Variants in ZC3H12D observed in about 807,000 individuals in gnomAD.
ZC3H12D encodes the protein probable ribonuclease ZC3H12D.
Under a neutral mutation model 24.2 loss-of-function variants are expected in ZC3H12D, and 11 were observed. The observed-to-expected ratio is 0.46, with a 90% CI of 0.29 to 0.75. ZC3H12D has a LOEUF of 0.75. Among genes scored for constraint, ZC3H12D ranks in the 30% least tolerant of loss-of-function variants. The probability of loss-of-function intolerance (pLI) is 0.11; values close to 1 mark genes in which losing one functional copy is unlikely to be tolerated. For synonymous variants in ZC3H12D, 333 were observed against 341.8 expected, an observed-to-expected ratio of 0.97 and a Z score of 0.28; for missense variants, 740 against 767.7, an observed-to-expected ratio of 0.96 and a Z score of 0.43.
intron 4 of ZC3H12D, among the ~76,000 whole-genome samples, chr6:149,454,744 T>C (rs1318309523): frequency 6.6e-6 from 1 of 152,242 alleles, no homozygotes; most frequent in Non-Finnish European, 1.5e-5. Context: ...AGGCCAGAGA[T>C]GGCCATGTCC....
chr6:149,474,199 G>C lies in ZC3H12D; in HGVS notation c.305+40C>G. ...CAGTTCTCAGGGCTCCTGCGAACAG[G>C]GGCCTCCCCAGCCCCAGCTACAGGA... is the stretch of plus-strand genomic sequence containing the variant. On this transcript the variant is annotated intron_variant, in intron 2 of 5. Transcript: ENST00000409806. 3.5e-6 allele frequency: 5 copies of C among 1,435,786 alleles called. No homozygotes were observed. In the South Asian group the frequency reaches 5.0e-5, roughly 14 times the overall value. 88.9% of individuals were successfully genotyped at this position (1,435,786 alleles called of 1,614,324 possible).
At chr6:149,478,462 TTTA>T (rs1776375799) in intron 1 of ZC3H12D, among the ~76,000 whole-genome samples, 2 of 152,180 alleles carry the variant, frequency 1.3e-5, no homozygotes, top group Non-Finnish European at 2.9e-5. Context: ...GTATAATTGG[TTTA>T]TTATTATGTA....
chr6:149,454,450 T>C (rs1583184014), intron 4 of ZC3H12D, among the ~76,000 whole-genome samples: 1 of 152,336 alleles, frequency 6.6e-6, no homozygotes, highest in East Asian at 1.9e-4. Context: ...CCCGGCCCTG[T>C]GTGGCCTCCA....
intron 3 of ZC3H12D, chr6:149,459,535 A>G: frequency 1.4e-6 from 1 of 715,050 alleles, no homozygotes; most frequent in Non-Finnish European, 2.6e-6. Context: ...GGTGGGAGCC[A>G]TTGCCCTGCA....
chr6:149,480,018 C>T (rs950201148), intron 1 of ZC3H12D, among the ~76,000 whole-genome samples: 6 of 152,196 alleles, frequency 3.9e-5, no homozygotes, highest in African/African-American at 9.6e-5. Context: ...TTCTACTTCC[C>T]GGACATTTTC....
intron 2 of ZC3H12D, among the ~76,000 whole-genome samples, chr6:149,464,466 C>G (rs1170245332): frequency 6.6e-6 from 1 of 152,152 alleles, no homozygotes; most frequent in Non-Finnish European, 1.5e-5. Flanking sequence ...CAGATCCCAG[C>G]TTCATCCTCA....
chr6:149,458,846 A>G (rs1776029571), intron 3 of ZC3H12D, among the ~76,000 whole-genome samples: 1 of 152,078 alleles, frequency 6.6e-6, no homozygotes, highest in African/African-American at 2.4e-5. Context: ...TGCTAATGAG[A>G]TTGAGCATCT....
intron 3 of ZC3H12D, among the ~76,000 whole-genome samples, chr6:149,458,111 C>CTCGTTTCTTTTTTTTTTT (rs1246641761): frequency 6.2e-5 from 5 of 80,240 alleles, no homozygotes; most frequent in African/African-American, 1.8e-4. Flanking sequence ...CTTTCTTTTT[C>CTCGTTTCTTTTTTTTTTT]TTTTTTTTTT....
intron 1 of ZC3H12D, among the ~76,000 whole-genome samples, chr6:149,480,388 A>G (rs2115014983): frequency 6.6e-6 from 1 of 152,376 alleles, no homozygotes; most frequent in East Asian, 1.9e-4. Flanking sequence ...TAATGCAGAA[A>G]CAGAAAACCA....
At chr6:149,462,407 A>G (rs1219628938) in intron 2 of ZC3H12D, among the ~76,000 whole-genome samples, 1 of 149,714 alleles carries the variant, frequency 6.7e-6, no homozygotes, top group Non-Finnish European at 1.5e-5. Flanking sequence ...AAAAAACCAC[A>G]CACACACACA....
At chr6:149,480,605 G>A (rs1024644414) in intron 1 of ZC3H12D, among the ~76,000 whole-genome samples, 13 of 152,260 alleles carry the variant, frequency 8.5e-5, no homozygotes, top group African/African-American at 2.4e-4. Context: ...GCGTGGTGGC[G>A]CATGCCTTTA....
intron 3 of ZC3H12D, among the ~76,000 whole-genome samples, chr6:149,461,348 A>AG (rs1776069271): frequency 7.7e-6 from 1 of 130,416 alleles, no homozygotes; most frequent in Non-Finnish European, 1.6e-5. Context: ...TCAAAAAAAA[A>AG]AAAAAAGAAG....
In ZC3H12D at chr6:149,477,027, C is replaced by T. The variant is rs577219873; in HGVS notation, c.-70-2414G>A. On this transcript the variant is annotated intron_variant, in intron 1 of 5. Coordinates refer to ENST00000409806, the MANE Select transcript of ZC3H12D (RefSeq NM_207360.3). ...ATGTCATAGGATGAAAGTTTGTTTT[C>T]CATTTTTCACTGTTACAAATCAGGC... 1.4e-4 allele frequency among the ~76,000 whole-genome samples: 22 copies of T among 152,356 alleles called. No individual in the cohort carries two copies. The South Asian group carries it at 4.6e-3, about 32-fold the overall frequency.
Position 149,456,637 on chromosome 6 carries a change from C to CCCGGGGG in ZC3H12D, c.680+28_680+29insCCCCCGG. ...CCCGGCCCCCCGCCCCGCCGCCCCCCAGGGTGTCAGGACCCCAGCCGGACC... is the reference window on the plus strand; with the variant it reads ...CCCGGCCCCCCGCCCCGCCGCCCCCCCCGGGGGAGGGTGTCAGGACCCCAGCCGGACC... On this transcript the variant is annotated intron_variant, in intron 4 of 5. Transcript: ENST00000409806. This position sits in a 1 kb window ranked among gnomAD's most constrained non-coding sequence, Gnocchi z 4.3. 1.7e-5 allele frequency: 26 copies of CCCGGGGG among 1,554,748 alleles called. No individual in the cohort carries two copies. The highest frequency in any genetic ancestry group is 2.3e-5 in the East Asian group (1 of 44,216).
At position 149,456,631 on chromosome 6, in the gene ZC3H12D, G is replaced by GGCCCCCCCCCCCCCCC; in HGVS notation, c.680+34_680+35insGGGGGGGGGGGGGGGC. On this transcript the variant is annotated intron_variant, in intron 4 of 5. Transcript: ENST00000409806. The surrounding 1 kb of genome is among the most constrained non-coding windows in gnomAD (Gnocchi z 4.3). Reference sequence around the variant, plus strand: ...CTCGACCCCGGCCCCCCGCCCCGCCGCCCCCCAGGGTGTCAGGACCCCAGC... The same window carrying GGCCCCCCCCCCCCCCC: ...CTCGACCCCGGCCCCCCGCCCCGCCGGCCCCCCCCCCCCCCCCCCCCCAGGGTGTCAGGACCCCAGC... 1 of 794,056 alleles carries GGCCCCCCCCCCCCCCC rather than the reference G, an allele frequency of 1.3e-6. No homozygotes were observed. The highest frequency in any genetic ancestry group is 2.1e-6 in the Non-Finnish European group (1 of 485,334). The allele number at this position is 794,056 out of a possible 1,614,324, so 49.2% of individuals were successfully genotyped here.
Position 149,474,386 on chromosome 6 carries a change from G to T in ZC3H12D, c.158C>A (p.Pro53Gln), listed in dbSNP as rs7747948. Residue 53 changes from proline to glutamine, a missense_variant, in exon 2 of 6, where the codon CCG becomes CAG. Physicochemically the swap from Pro to Gln is moderately conservative, Grantham distance 76. Coordinates refer to ENST00000409806, the MANE Select transcript of ZC3H12D (RefSeq NM_207360.3). ...CCGAGGCACTAGCCTGGGTGCAGCC[G>T]GGTGCTCCAGGGCACCCGGGCGGCT... is the stretch of plus-strand genomic sequence containing the variant. ...TGSRPGALEHPAAPRLVPRGS... is the reference protein window; with the variant it reads ...TGSRPGALEHQAAPRLVPRGS... The T allele has an allele frequency of 1.2e-6, 2 of 1,607,366 alleles. No individual in the cohort carries two copies. The highest frequency in any genetic ancestry group is 2.7e-5 in the African/African-American group (2 of 74,806).
In ZC3H12D at chr6:149,450,564, C is replaced by G; in HGVS notation, c.*119G>C. The G allele has an allele frequency of 9.2e-7, 1 of 1,092,664 alleles. No homozygotes were observed. Among genetic ancestry groups the G allele is most frequent in the Non-Finnish European group, 1.3e-6 (1 of 796,350 alleles). 67.7% of individuals were successfully genotyped at this position (1,092,664 alleles called of 1,614,324 possible). ...GGAGGAAGCAGGCTTCCCTGACCATCTTTAAAGAAAAGGGGGCACCATGAT... is the reference window on the plus strand; with the variant it reads ...GGAGGAAGCAGGCTTCCCTGACCATGTTTAAAGAAAAGGGGGCACCATGAT... On this transcript the variant is annotated 3_prime_UTR_variant, in exon 6 of 6. Transcript: ENST00000409806.
At chr6:149,477,326 CCTCCCA>C (rs1432709420) in intron 1 of ZC3H12D, among the ~76,000 whole-genome samples, 1 of 152,238 alleles carries the variant, frequency 6.6e-6, no homozygotes, top group Non-Finnish European at 1.5e-5. Flanking sequence ...CACCTGCTCA[CCTCCCA>C]CTCCACCTCA....
chr6:149,473,454 C>G (rs1776278003), intron 2 of ZC3H12D, among the ~76,000 whole-genome samples: 1 of 152,194 alleles, frequency 6.6e-6, no homozygotes, highest in Non-Finnish European at 1.5e-5. Flanking sequence ...TAGAATAATC[C>G]ACTTGTTTGG....
Sources: allele counts gnomAD v4.1 joint callset (sites outside exome capture counted in the v4.1 genomes callset), GRCh38; gene constraint gnomAD v4.1.1; non-coding constraint Gnocchi (gnomAD v3.1); transcripts MANE v1.5; gene names NCBI Gene and HGNC (gene_info 2026-07-23, HGNC 2026-07-21).